The following CMIP variants were observed in gnomAD, a reference collection of about 807,000 sequenced individuals.
CMIP encodes the protein c-Maf inducing protein, also known as C-Maf-inducing protein.
CMIP carries 13 observed loss-of-function variants against 97.3 expected under a neutral mutation model. The ratio of observed to expected loss-of-function variants is 0.13; its 90% CI spans 0.09 to 0.21. CMIP has a LOEUF of 0.21. Among genes scored for constraint, CMIP ranks in the 10% least tolerant of loss-of-function variants. The probability of loss-of-function intolerance (pLI) is 1.00; values close to 1 mark genes in which losing one functional copy is unlikely to be tolerated. For missense variants in CMIP, 847 were observed against 1,024.9 expected (o/e 0.83, Z 2.37); for synonymous variants, 538 against 436.3 (o/e 1.23, Z -2.91).
chr16:81,501,239 C>T (rs777112565), intron 1 of CMIP, among the ~76,000 whole-genome samples: 8 of 152,148 alleles, frequency 5.3e-5, no homozygotes, highest in Non-Finnish European at 1.0e-4. Flanking sequence ...TTTCTGAGAT[C>T]GAGTAATTTG....
At chr16:81,603,167 C>T (rs2091685549) in intron 1 of CMIP, among the ~76,000 whole-genome samples, 1 of 152,182 alleles carries the variant, frequency 6.6e-6, no homozygotes, top group East Asian at 1.9e-4. Context: ...GCAAGCTTCA[C>T]CTCCCGGGTT....
intron 1 of CMIP, among the ~76,000 whole-genome samples, chr16:81,541,797 A>T (rs1004535152): frequency 1.3e-5 from 2 of 152,198 alleles, no homozygotes; most frequent in African/African-American, 4.8e-5. Flanking sequence ...GCAGCTTGTC[A>T]ATCAGGCATC....
chr16:81,526,386 C>T (rs77576640), intron 1 of CMIP, among the ~76,000 whole-genome samples: 4 of 152,132 alleles, frequency 2.6e-5, no homozygotes, highest in Non-Finnish European at 5.9e-5. Context: ...GTTAGCAGTG[C>T]CTGTGACTTA....
intron 1 of CMIP, among the ~76,000 whole-genome samples, chr16:81,482,051 G>T (rs1238713351): frequency 3.3e-5 from 5 of 152,044 alleles, no homozygotes; most frequent in African/African-American, 1.2e-4. Context: ...GCTAATTTTT[G>T]TATTTTTAGC....
intron 10 of CMIP, among the ~76,000 whole-genome samples, chr16:81,683,863 GC>G (rs1905124742): frequency 7.0e-6 from 1 of 142,276 alleles, no homozygotes; most frequent in South Asian, 2.3e-4. Context: ...GCGGGTTCAA[GC>G]CATTCTCCTG....
chr16:81,529,098 C>G (rs748369372), intron 1 of CMIP, among the ~76,000 whole-genome samples: 1 of 152,242 alleles, frequency 6.6e-6, no homozygotes, highest in South Asian at 2.1e-4. Context: ...AAGTATTCCC[C>G]CATACTGTGA....
intron 3 of CMIP, among the ~76,000 whole-genome samples, chr16:81,623,431 G>C (rs1048445072): frequency 6.6e-6 from 1 of 152,228 alleles, no homozygotes; most frequent in Non-Finnish European, 1.5e-5. Flanking sequence ...GCCTGGGTGT[G>C]TGCTGGCCCA....
intron 8 of CMIP, among the ~76,000 whole-genome samples, chr16:81,670,620 T>G (rs868278721): frequency 4.2e-3 from 414 of 98,270 alleles, no homozygotes; most frequent in East Asian, 0.015. Flanking sequence ...GGGTTTTTTT[T>G]GGGGGGGGGG....
At chr16:81,490,004 G>T (rs1405749006) in intron 1 of CMIP, among the ~76,000 whole-genome samples, 1 of 152,222 alleles carries the variant, frequency 6.6e-6, no homozygotes, top group South Asian at 2.1e-4. Flanking sequence ...CTTTGGACTG[G>T]TGCTCTTTGG....
intron 1 of CMIP, among the ~76,000 whole-genome samples, chr16:81,550,861 C>T (rs968053281): frequency 1.7e-4 from 25 of 151,500 alleles, no homozygotes; most frequent in African/African-American, 6.1e-4. Context: ...CACCCCAGTT[C>T]CATCACACAC....
At chr16:81,495,326 A>T in intron 1 of CMIP, 4 of 1,461,436 alleles carry the variant, frequency 2.7e-6, no homozygotes, top group Non-Finnish European at 3.6e-6. Flanking sequence ...GTTCAGTGAT[A>T]AGCAGGAGCC....
chr16:81,577,492 A>G (rs983858647), intron 1 of CMIP, among the ~76,000 whole-genome samples: 2 of 147,018 alleles, frequency 1.4e-5, no homozygotes, highest in East Asian at 2.0e-4. Context: ...TATTATCACT[A>G]TCACCATCAT....
At chr16:81,471,373 T>C (rs1395762458) in intron 1 of CMIP, among the ~76,000 whole-genome samples, 1 of 152,144 alleles carries the variant, frequency 6.6e-6, no homozygotes, top group Admixed American at 6.6e-5. Flanking sequence ...CATGTATGTG[T>C]ATACATGTGC....
chr16:81,607,678 A>G lies in CMIP; in HGVS notation c.412A>G (p.Thr138Ala), dbSNP rs763273281. The part of the protein sequence containing the change: ...YCLQLTIPGG[T>A]VLLQAANSYL... ...TTTACAGCTCACGATTCCTGGGGGA[A>G]CTGTCTTACTGCAGGTAGGAGAAAT... Residue 138 changes from threonine to alanine, a missense_variant, in exon 2 of 21, where the codon ACT becomes GCT. Physicochemically the swap from Thr to Ala is moderately conservative, Grantham distance 58. Coordinates refer to ENST00000537098, the MANE Select transcript of CMIP (RefSeq NM_198390.3). 1 of 1,613,974 alleles carries G rather than the reference A, an allele frequency of 6.2e-7. No homozygotes were observed. Among genetic ancestry groups the G allele is most frequent in the South Asian group, 1.1e-5 (1 of 91,086 alleles).
chr16:81,584,450 T>C (rs2091347549), intron 1 of CMIP, among the ~76,000 whole-genome samples: 2 of 152,184 alleles, frequency 1.3e-5, no homozygotes, highest in Admixed American at 1.3e-4. Context: ...AAGGCCATGT[T>C]TGTATATGTG....
At chr16:81,698,879 G>C (rs996891753) in intron 14 of CMIP, among the ~76,000 whole-genome samples, 2 of 152,106 alleles carry the variant, frequency 1.3e-5, no homozygotes, top group East Asian at 1.9e-4. Flanking sequence ...AAACTTCAAC[G>C]TAATAAGTGT....
chr16:81,597,862 C>A (rs376030498), intron 1 of CMIP, among the ~76,000 whole-genome samples: 48 of 152,220 alleles, frequency 3.2e-4, no homozygotes, highest in Admixed American at 1.9e-3. Flanking sequence ...GTCTCCCCCC[C>A]AGCTTGATGG....
At position 81,664,287 on chromosome 16, in the gene CMIP, C is replaced by T. The variant is rs780035987; in HGVS notation, c.763C>T (p.Arg255Trp). ...TCCCCAGCACTGCAGAGAGCGGCCC[C>T]GGTCCATGGTGGTCATCGAGGTGTT... ...FFCKHCRERP[R>W]SMVVIEVFTP... The change falls in exon 7 of 21, where the codon CGG (arginine) becomes TGG (tryptophan). Residue 255 changes from arginine to tryptophan, a missense_variant. Transcript: ENST00000537098. 9.4e-6 allele frequency: 15 copies of T among 1,602,358 alleles called. No individual in the cohort carries two copies. The highest frequency in any genetic ancestry group is 7.7e-6 in the Non-Finnish European group (9 of 1,175,022).
intron 1 of CMIP, among the ~76,000 whole-genome samples, chr16:81,461,560 C>T (rs964956105): frequency 6.6e-6 from 1 of 152,202 alleles, no homozygotes. Context: ...TGATGTAGCC[C>T]AGCTTCTTTC....
Sources: gnomAD v4.1 joint callset for allele counts (sites outside exome capture counted in the v4.1 genomes callset) on GRCh38, gnomAD v4.1.1 for gene constraint, MANE v1.5 for transcripts, NCBI Gene and HGNC (gene_info 2026-07-23, HGNC 2026-07-21) for gene names.